Variants in FAT1 observed in about 807,000 individuals in gnomAD.
FAT1 encodes protocadherin Fat 1.
Under a neutral mutation model 329.8 loss-of-function variants are expected in FAT1, and 171 were observed. The ratio of observed to expected loss-of-function variants is 0.52; its 90% CI spans 0.46 to 0.59. The LOEUF (loss-of-function observed/expected upper bound fraction) is 0.59. Ranked by LOEUF, FAT1 falls within the 20% of genes least tolerant of loss-of-function variation. The probability of loss-of-function intolerance (pLI) is 0.00; values close to 1 mark genes in which losing one functional copy is unlikely to be tolerated. For missense variants in FAT1, 5,672 were observed against 5,774.4 expected, an observed-to-expected ratio of 0.98 and a Z score of 0.57; for synonymous variants, 2,233 against 2,228.6, an observed-to-expected ratio of 1.00 and a Z score of -0.06.
intron 26 of FAT1, among the ~76,000 whole-genome samples, chr4:186,594,408 G>A (rs564174058): frequency 2.0e-5 from 3 of 151,888 alleles, no homozygotes; most frequent in African/African-American, 7.2e-5. Flanking sequence ...ACAAGAACTA[G>A]AAAGAAAATG....
chr4:186,634,303 A>G (rs541908820), intron 6 of FAT1, among the ~76,000 whole-genome samples: 1 of 152,240 alleles, frequency 6.6e-6, no homozygotes, highest in South Asian at 2.1e-4. Flanking sequence ...GCTACTATAA[A>G]CTATTTGAAA....
chr4:186,722,269 A>AT (rs1273103278), intron 1 of FAT1, among the ~76,000 whole-genome samples: 1 of 152,242 alleles, frequency 6.6e-6, no homozygotes, highest in African/African-American at 2.4e-5. Flanking sequence ...AAATGATTTT[A>AT]TAAAGTCCTC....
rs1320518206 is a variant in FAT1 at position 186,696,398 on chromosome 4, C to T, written c.3265+10165G>A. ...TACATGACAAACCCGCCTTTTTTCA[C>T]TTAAATATGTAAACACCTTCAGCTG... On this transcript the variant is annotated intron_variant, in intron 2 of 26. Coordinates refer to ENST00000441802, the MANE Select transcript of FAT1 (RefSeq NM_005245.4). Among the ~76,000 whole-genome samples the T allele has an allele frequency of 2.0e-5, 3 of 152,112 alleles. No individual in the cohort carries two copies. In the East Asian group the frequency reaches 5.8e-4, roughly 29 times the overall value.
chr4:186,604,320 G>T, intron 18 of FAT1, 57 bp downstream of exon 18: 1 of 1,427,280 alleles, frequency 7.0e-7, no homozygotes, highest in Non-Finnish European at 9.6e-7. Flanking sequence ...GGGGAACCAC[G>T]CCAAGCAGCT....
chr4:186,716,477 G>C (rs564141045), intron 1 of FAT1, among the ~76,000 whole-genome samples: 26 of 151,564 alleles, frequency 1.7e-4, no homozygotes, highest in African/African-American at 6.1e-4. Context: ...TCCCAGGCTG[G>C]AGAGCAGTGG....
At position 186,620,038 on chromosome 4, in the gene FAT1, T is replaced by C. The variant is rs2126511754; in HGVS notation, c.6548A>G (p.Glu2183Gly). ...AATCTCTGCACTGTAGAAAGGTTTT[T>C]CAAACACAGGCATGGCTTTATTCAT... ...TVMNKAMPVFEKPFYSAEIAE... is the reference protein window; with the variant it reads ...TVMNKAMPVFGKPFYSAEIAE... Residue 2183 changes from glutamate (E) to glycine (G), a missense_variant, in exon 10 of 27, where the codon GAA becomes GGA. By Grantham distance (98) the Glu-to-Gly change is moderately conservative. This residue lies in a region of FAT1 where 3,966 missense variants were observed against 3,915.2 expected (regional missense o/e 1.01). Transcript: ENST00000441802. 1 of 1,614,014 alleles carries C rather than the reference T, an allele frequency of 6.2e-7. No homozygotes were observed. The highest frequency in any genetic ancestry group is 8.5e-7 in the Non-Finnish European group (1 of 1,179,898).
intron 26 of FAT1, chr4:186,590,796 C>CT: frequency 2.5e-6 from 1 of 395,308 alleles, no homozygotes; most frequent in South Asian, 1.9e-5. Flanking sequence ...CCAAATACAT[C>CT]TACAGCTACA....
chr4:186,663,706 TTA>T lies in FAT1; in HGVS notation c.3266-95_3266-94del, dbSNP rs1207243454. The T allele has an allele frequency of 5.2e-6, 5 of 961,270 alleles. No individual in the cohort carries two copies. In the African/African-American group the frequency reaches 6.6e-5, roughly 13 times the overall value. 59.5% of individuals were successfully genotyped at this position (961,270 alleles called of 1,614,324 possible). On this transcript the variant is annotated intron_variant, in intron 2 of 26. Transcript: ENST00000441802. ...CAACAACTACGGCTTACTGAGAGCTTTATATGTCTCTTACTAGGTGCATAACC... is the reference window on the plus strand; with the variant it reads ...CAACAACTACGGCTTACTGAGAGCTTTATGTCTCTTACTAGGTGCATAACC...
rs368017987 is a variant in FAT1, at chr4:186,600,236, T to C, written c.11765A>G (p.Tyr3922Cys). Residue 3922 changes from tyrosine to cysteine, a missense_variant, in exon 22 of 27, where the codon TAT becomes TGT. Physicochemically the swap from Tyr to Cys is radical, Grantham distance 194. Around this residue, in one of 2 missense-constraint regions of FAT1, gnomAD observed 1,706 missense variants for 1,859.1 expected, o/e 0.92. Transcript: ENST00000441802. Reference protein sequence around the residue: ...HAVALEVNGNYARLVLDQVHT... With the variant: ...HAVALEVNGNCARLVLDQVHT... The stretch of plus-strand genomic sequence containing the variant: ...AACTTGGTCTAGAACCAAGCGAGCA[T>C]AGTTTCCATTCACTTCCAGGGCCAC... 8.1e-6 allele frequency: 13 copies of C among 1,613,900 alleles called. No homozygotes were observed. In the Admixed American group the frequency reaches 8.3e-5, roughly 10 times the overall value.
rs1480425440 is a variant in FAT1 at position 186,634,501 on chromosome 4, A to G, written c.4184-678T>C. Among the ~76,000 whole-genome samples, 7 of 152,326 alleles carry G rather than the reference A, an allele frequency of 4.6e-5. 2 individuals carry two copies. The highest frequency in any genetic ancestry group is 3.9e-4 in the Admixed American group (6 of 15,308). On this transcript the variant is annotated intron_variant, in intron 6 of 26. Coordinates refer to ENST00000441802, the MANE Select transcript of FAT1 (RefSeq NM_005245.4). ...AATTCTACTACTAAATCTAACCAAGAAACAAAACAACACACACGACGTCTT... is the reference window on the plus strand; with the variant it reads ...AATTCTACTACTAAATCTAACCAAGGAACAAAACAACACACACGACGTCTT...
Position 186,621,173 on chromosome 4 carries a change from C to T in FAT1, c.5413G>A (p.Ala1805Thr), listed in dbSNP as rs2126522817. The change falls in exon 10 of 27, where the codon GCT becomes ACT. Residue 1805 changes from alanine to threonine, a missense_variant. This residue lies in a region of FAT1 where 3,966 missense variants were observed against 3,915.2 expected (regional missense o/e 1.01). Transcript: ENST00000441802. ...TCAACAATGTGATATACAAGCAAAG[C>T]ATTTGAGTCTTTATCAGCATCAGCT... ...RAADADKDSN[A>T]LLVYHIVEPS... 2 of 1,613,966 alleles carry T rather than the reference C, an allele frequency of 1.2e-6. No individual in the cohort carries two copies. Among genetic ancestry groups the T allele is most frequent in the Non-Finnish European group, 1.7e-6 (2 of 1,179,890 alleles).
intron 11 of FAT1, 83 bp downstream of exon 11, chr4:186,616,922 C>T: frequency 1.6e-6 from 2 of 1,254,920 alleles, no homozygotes; most frequent in Non-Finnish European, 2.3e-6. Context: ...GTGAATTACA[C>T]CACAGCGCCA....
intron 17 of FAT1, among the ~76,000 whole-genome samples, chr4:186,605,223 A>G (rs1283990011): frequency 2.0e-5 from 3 of 148,730 alleles, no homozygotes; most frequent in East Asian, 2.0e-4. Flanking sequence ...TCAGAAAAAA[A>G]AAAAAAAAAA....
chr4:186,671,883 T>C (rs989882468), intron 2 of FAT1, among the ~76,000 whole-genome samples: 1 of 152,098 alleles, frequency 6.6e-6, no homozygotes, highest in Non-Finnish European at 1.5e-5. Flanking sequence ...ATTTATGTTA[T>C]TTACTACTGT....
In FAT1 at chr4:186,707,285, T is replaced by A; in HGVS notation, c.2543A>T (p.Asp848Val). The change falls in exon 2 of 27, where the codon GAT becomes GTT. Residue 848 changes from aspartate (D) to valine (V), a missense_variant. Around this residue, in one of 2 missense-constraint regions of FAT1, gnomAD observed 3,966 missense variants for 3,915.2 expected, o/e 1.01. Coordinates refer to ENST00000441802, the MANE Select transcript of FAT1 (RefSeq NM_005245.4). ...GTGTCCGTTGGGCCCCAGGTCTTTA[T>A]CTGTGGCTTCAACCTGGATGATTTC... The part of the protein sequence containing the change: ...HSEIIQVEAT[D>V]KDLGPNGHVT... 1 of 1,614,018 alleles carries A rather than the reference T, an allele frequency of 6.2e-7. No homozygotes were observed. Among genetic ancestry groups the A allele is most frequent in the South Asian group, 1.1e-5 (1 of 91,082 alleles).
intron 26 of FAT1, among the ~76,000 whole-genome samples, chr4:186,594,676 G>GTGTA (rs1553985374): frequency 6.2e-5 from 8 of 128,352 alleles, no homozygotes; most frequent in African/African-American, 1.2e-4. Context: ...ATACTTGAAA[G>GTGTA]TATATATATA....
At chr4:186,641,575 ATTC>A (rs1741098754) in intron 3 of FAT1, among the ~76,000 whole-genome samples, 2 of 152,192 alleles carry the variant, frequency 1.3e-5, no homozygotes, top group African/African-American at 4.8e-5. Context: ...GGAAAACAGT[ATTC>A]TTCTGCAGAG....
chr4:186,697,717 G>A (rs992964342), intron 2 of FAT1, among the ~76,000 whole-genome samples: 2 of 152,144 alleles, frequency 1.3e-5, no homozygotes, highest in Admixed American at 1.3e-4. Context: ...CTTGCAGGTT[G>A]TAAGGCATTA....
Position 186,707,325 on chromosome 4 carries a change from T to C in FAT1, c.2503A>G (p.Lys835Glu), listed in dbSNP as rs1201482394. The change falls in exon 2 of 27, where the codon AAG becomes GAG. Residue 835 changes from lysine (K) to glutamate (E), a missense_variant. Physicochemically the swap from Lys to Glu is moderately conservative, Grantham distance 56. Coordinates refer to ENST00000441802, the MANE Select transcript of FAT1 (RefSeq NM_005245.4). ...TGGATGATTTCACTATGTACCTCCT[T>C]GTCTTCACTCACTTCCACAAAATAG... ...ESYFVEVSED[K>E]EVHSEIIQVE... 6 of 1,613,978 alleles carry C rather than the reference T, an allele frequency of 3.7e-6. No homozygotes were observed. The highest frequency in any genetic ancestry group is 4.2e-6 in the Non-Finnish European group (5 of 1,179,876).
Sources: allele counts gnomAD v4.1 joint callset (sites outside exome capture counted in the v4.1 genomes callset), GRCh38; gene constraint gnomAD v4.1.1; regional missense constraint gnomAD v4.1.1; transcripts MANE v1.5; gene names NCBI Gene and HGNC (gene_info 2026-07-23, HGNC 2026-07-21).